The following DLG2 variants were observed in gnomAD, a reference collection of about 807,000 sequenced individuals.
DLG2 encodes disks large homolog 2.
A neutral mutation model predicts 132.5 loss-of-function variants in DLG2; 45 were observed. The observed-to-expected ratio is 0.34, with a 90% CI of 0.27 to 0.44. The LOEUF (loss-of-function observed/expected upper bound fraction) is 0.44, where lower values mean the gene tolerates loss of function less well. Among genes scored for constraint, DLG2 ranks in the 20% least tolerant of loss-of-function variants. DLG2 has a pLI of 1.00. For missense variants in DLG2, 1,045 were observed against 1,196.9 expected (o/e 0.87, Z 1.87); for synonymous variants, 424 against 419.6 (o/e 1.01, Z -0.13).
At chr11:83,922,131 T>C (rs1293858664) in intron 15 of DLG2, among the ~76,000 whole-genome samples, 3 of 152,112 alleles carry the variant, frequency 2.0e-5, no homozygotes, top group African/African-American at 7.2e-5. Flanking sequence ...GAATTCTTAA[T>C]GAAAGAATAT....
At chr11:84,580,694 C>G (rs1181242013) in intron 6 of DLG2, among the ~76,000 whole-genome samples, 1 of 152,192 alleles carries the variant, frequency 6.6e-6, no homozygotes, top group Non-Finnish European at 1.5e-5. Flanking sequence ...TGGAAAGGAA[C>G]AGCAAGCTAT....
chr11:84,560,942 A>C (rs1214755881), intron 6 of DLG2, among the ~76,000 whole-genome samples: 1 of 152,094 alleles, frequency 6.6e-6, no homozygotes, highest in African/African-American at 2.4e-5. Flanking sequence ...TCAGCTAGGC[A>C]CTTTGGTAGA....
chr11:83,883,055 T>C (rs149587294), intron 15 of DLG2, among the ~76,000 whole-genome samples: 29 of 152,316 alleles, frequency 1.9e-4, no homozygotes, highest in African/African-American at 7.0e-4. Flanking sequence ...AGCATGTTTG[T>C]CCCAGCATGC....
chr11:85,199,942 CTTTT>C (rs749722409), intron 4 of DLG2, among the ~76,000 whole-genome samples: 1 of 140,954 alleles, frequency 7.1e-6, no homozygotes, highest in African/African-American at 2.6e-5. Context: ...CCAGGAATTA[CTTTT>C]TTTTTTTTTT....
At chr11:83,815,905 A>G (rs1473498169) in intron 17 of DLG2, among the ~76,000 whole-genome samples, 1 of 152,174 alleles carries the variant, frequency 6.6e-6, no homozygotes, top group Admixed American at 6.5e-5. Context: ...GACATGGATA[A>G]GAGGCCAACC....
intron 8 of DLG2, among the ~76,000 whole-genome samples, chr11:84,200,644 C>T (rs558418287): frequency 2.0e-5 from 3 of 152,222 alleles, no homozygotes; most frequent in South Asian, 4.1e-4. Context: ...TTGTAGTTCT[C>T]CTTGAAGAGG....
intron 11 of DLG2, among the ~76,000 whole-genome samples, chr11:84,030,009 T>A (rs148897133): frequency 1.3e-5 from 2 of 152,110 alleles, no homozygotes; most frequent in Non-Finnish European, 2.9e-5. Context: ...TACACATATA[T>A]CTGTATCTAT....
chr11:84,524,641 T>C (rs2099314565), intron 7 of DLG2, among the ~76,000 whole-genome samples: 1 of 152,208 alleles, frequency 6.6e-6, no homozygotes, highest in Non-Finnish European at 1.5e-5. Flanking sequence ...TCATCTCAGC[T>C]ACTTCCACCA....
At chr11:84,601,071 AT>A (rs1463982022) in intron 6 of DLG2, among the ~76,000 whole-genome samples, 3 of 152,202 alleles carry the variant, frequency 2.0e-5, no homozygotes, top group Non-Finnish European at 4.4e-5. Context: ...TGATCTAGCT[AT>A]GCTGAAGCTA....
At chr11:83,781,403 G>A (rs1324975878) in intron 18 of DLG2, among the ~76,000 whole-genome samples, 1 of 152,090 alleles carries the variant, frequency 6.6e-6, no homozygotes, top group East Asian at 1.9e-4. Flanking sequence ...TTGAATGAAT[G>A]TATAAATGAA....
At chr11:85,486,340 G>A (rs2093428537) in intron 3 of DLG2, among the ~76,000 whole-genome samples, 1 of 152,108 alleles carries the variant, frequency 6.6e-6, no homozygotes, top group African/African-American at 2.4e-5. Context: ...CATCCTTCCT[G>A]GTGGTAGGCC....
chr11:85,488,381 T>G (rs374746883), intron 3 of DLG2, among the ~76,000 whole-genome samples: 7 of 150,868 alleles, frequency 4.6e-5, no homozygotes, highest in African/African-American at 1.7e-4. Flanking sequence ...ACAGGGAGAC[T>G]GCGTCTAAAA....
intron 6 of DLG2, among the ~76,000 whole-genome samples, chr11:84,881,409 A>C (rs925112148): frequency 5.3e-5 from 8 of 152,114 alleles, no homozygotes; most frequent in African/African-American, 1.9e-4. Context: ...CAGCCTGATC[A>C]CTGACTTAGA....
At chr11:83,858,735 A>C (rs2060954757) in intron 16 of DLG2, among the ~76,000 whole-genome samples, 2 of 152,012 alleles carry the variant, frequency 1.3e-5, no homozygotes, top group South Asian at 4.2e-4. Flanking sequence ...TTCTGCAAAA[A>C]CCCCATGCAC....
intron 7 of DLG2, among the ~76,000 whole-genome samples, chr11:84,485,669 T>C (rs1440629209): frequency 6.6e-6 from 1 of 152,178 alleles, no homozygotes; most frequent in Non-Finnish European, 1.5e-5. Context: ...ATAAAGGTTT[T>C]GTGAGAAGTA....
At chr11:84,262,209 T>C (rs2097556595) in intron 7 of DLG2, among the ~76,000 whole-genome samples, 1 of 152,158 alleles carries the variant, frequency 6.6e-6, no homozygotes, top group South Asian at 2.1e-4. Flanking sequence ...GGCTCACTCC[T>C]CTTGACTCCA....
chr11:83,753,824 C>G (rs1291914717), intron 18 of DLG2, among the ~76,000 whole-genome samples: 609 of 36,682 alleles, frequency 0.017, 66 homozygotes, highest in African/African-American at 0.081. Flanking sequence ...ATATATATTT[C>G]ATATATATAT....
chr11:83,805,223 T>C (rs2045594604), intron 17 of DLG2, among the ~76,000 whole-genome samples: 1 of 152,102 alleles, frequency 6.6e-6, no homozygotes, highest in Non-Finnish European at 1.5e-5. Flanking sequence ...TAACCCCTAA[T>C]TGTTTTAGCA....
At chr11:84,581,202 G>C (rs2154529142) in intron 6 of DLG2, among the ~76,000 whole-genome samples, 1 of 152,194 alleles carries the variant, frequency 6.6e-6, no homozygotes, top group East Asian at 1.9e-4. Context: ...TTTTCAGTTA[G>C]GAATTTTCCT....
Sources: allele counts gnomAD v4.1 joint callset (sites outside exome capture counted in the v4.1 genomes callset), GRCh38; gene constraint gnomAD v4.1.1; transcripts MANE v1.5; gene names NCBI Gene and HGNC (gene_info 2026-07-23, HGNC 2026-07-21).